The following PDE7A variants were observed in gnomAD, a reference collection of about 807,000 sequenced individuals.
PDE7A encodes phosphodiesterase 7A.
Under a neutral mutation model 64.3 loss-of-function variants are expected in PDE7A, and 39 were observed. The observed-to-expected ratio is 0.61, with a 90% CI of 0.47 to 0.79. The LOEUF is 0.79. PDE7A is among the 30% of genes least tolerant of loss of function. The pLI is 0.00. For missense variants in PDE7A, 470 were observed against 582.8 expected (o/e 0.81, Z 1.99); for synonymous variants, 203 against 206.8 (o/e 0.98, Z 0.16).
At chr8:65,747,839 T>C in intron 3 of PDE7A, 36 bp from the exon 4 acceptor site, 1 of 1,462,888 alleles carries the variant, frequency 6.8e-7, no homozygotes, top group Non-Finnish European at 9.4e-7. Context: ...GTATAGCAAG[T>C]TAAAATTATA....
chr8:65,736,058 C>T (rs533757514), intron 6 of PDE7A, among the ~76,000 whole-genome samples: 1 of 152,292 alleles, frequency 6.6e-6, no homozygotes, highest in South Asian at 2.1e-4. Flanking sequence ...TTTTCCTATA[C>T]AAACACACCT....
rs1287728799 is a variant in PDE7A, at chr8:65,715,028, C to A, written c.*4262G>T. Reference sequence around the variant, plus strand: ...ATTTTCTCTCCAAGGACCTTTTACTCCTAGAGCAGAGACTCCCTCAGCCCC... The same window carrying A: ...ATTTTCTCTCCAAGGACCTTTTACTACTAGAGCAGAGACTCCCTCAGCCCC... On this transcript the variant is annotated 3_prime_UTR_variant, in exon 13 of 13. Coordinates refer to ENST00000401827, the MANE Select transcript of PDE7A (RefSeq NM_001242318.3). Among the ~76,000 whole-genome samples, 1 of 152,098 alleles carries A rather than the reference C, an allele frequency of 6.6e-6. No homozygotes were observed. Among genetic ancestry groups the A allele is most frequent in the Non-Finnish European group, 1.5e-5 (1 of 68,024 alleles).
At chr8:65,733,412 A>T (rs1390515646) in intron 7 of PDE7A, among the ~76,000 whole-genome samples, 2 of 152,298 alleles carry the variant, frequency 1.3e-5, no homozygotes, top group East Asian at 3.9e-4. Flanking sequence ...CTCCCACAAC[A>T]TTCTCAAACA....
chr8:65,823,881 T>C (rs1045156149), intron 1 of PDE7A, among the ~76,000 whole-genome samples: 1 of 152,090 alleles, frequency 6.6e-6, no homozygotes, highest in Middle Eastern at 3.2e-3. Context: ...GCAGTACAAG[T>C]AGGACATTAA....
intron 3 of PDE7A, among the ~76,000 whole-genome samples, chr8:65,752,777 ACTGT>A (rs1455652677): frequency 2.6e-5 from 4 of 152,042 alleles, no homozygotes; most frequent in African/African-American, 9.7e-5. Flanking sequence ...GACACTCTAA[ACTGT>A]CTATGTTGAA....
chr8:65,809,428 TAAGTTACCTC>T (rs1810188635), intron 1 of PDE7A, among the ~76,000 whole-genome samples: 3 of 152,172 alleles, frequency 2.0e-5, no homozygotes, highest in South Asian at 4.1e-4. Context: ...TTACTCTTTT[TAAGTTACCTC>T]AAAAAATCCA....
intron 1 of PDE7A, among the ~76,000 whole-genome samples, chr8:65,802,946 C>T (rs1810030167): frequency 6.6e-6 from 1 of 152,100 alleles, no homozygotes; most frequent in Non-Finnish European, 1.5e-5. Context: ...TGGCACCTCC[C>T]CCTCCCCACA....
At chr8:65,758,938 T>C (rs1012193682) in intron 3 of PDE7A, among the ~76,000 whole-genome samples, 1 of 152,154 alleles carries the variant, frequency 6.6e-6, no homozygotes, top group Admixed American at 6.5e-5. Flanking sequence ...CCCATAACCA[T>C]AGGCAGCCTC....
chr8:65,777,992 G>C (rs892632689), intron 3 of PDE7A, among the ~76,000 whole-genome samples: 8 of 152,100 alleles, frequency 5.3e-5, no homozygotes, highest in African/African-American at 1.7e-4. Flanking sequence ...GACTGCTCCT[G>C]CTACATTTTT....
chr8:65,777,078 T>C lies in PDE7A; in HGVS notation c.283+2642A>G, dbSNP rs984635835. On this transcript the variant is annotated intron_variant, in intron 3 of 12. Coordinates refer to ENST00000401827, the MANE Select transcript of PDE7A (RefSeq NM_001242318.3). Reference sequence around the variant, plus strand: ...ACAAATACTCAATTTTATCAAATGCTTTTTTTTTTTTTTTTTTTTTTGAGA... The same window carrying C: ...ACAAATACTCAATTTTATCAAATGCCTTTTTTTTTTTTTTTTTTTTTGAGA... Among the ~76,000 whole-genome samples the C allele has an allele frequency of 2.2e-4, 10 of 44,704 alleles. No homozygotes were observed. In the African/African-American group the frequency reaches 3.5e-3, roughly 16 times the overall value. The allele number at this position is 44,704 out of a possible 152,430, so 29.3% of individuals were successfully genotyped here. A position where few individuals can be genotyped will look rare whatever the true frequency, so the allele number is the denominator to read the frequency against.
intron 9 of PDE7A, among the ~76,000 whole-genome samples, chr8:65,726,106 T>A (rs1286912604): frequency 1.3e-5 from 2 of 152,190 alleles, no homozygotes; most frequent in Non-Finnish European, 2.9e-5. Context: ...GAACTTAAAT[T>A]TTAATACTCA....
intron 1 of PDE7A, among the ~76,000 whole-genome samples, chr8:65,787,530 T>C (rs1585918335): frequency 6.6e-6 from 1 of 152,304 alleles, no homozygotes; most frequent in South Asian, 2.1e-4. Flanking sequence ...TATTCAAATA[T>C]TGCACTGATC....
intron 3 of PDE7A, 143 bp from the exon 4 acceptor site, chr8:65,747,946 C>T (rs1807758296): frequency 2.1e-6 from 1 of 486,882 alleles, no homozygotes; most frequent in Non-Finnish European, 3.6e-6. Context: ...AGAAGTGATA[C>T]TTTATTTCTA....
At chr8:65,820,964 AT>A (rs1195332844) in intron 1 of PDE7A, among the ~76,000 whole-genome samples, 1 of 152,132 alleles carries the variant, frequency 6.6e-6, no homozygotes, top group African/African-American at 2.4e-5. Context: ...GATTTAAGAA[AT>A]TTTTATCCTA....
At chr8:65,767,212 A>G (rs1475886265) in intron 3 of PDE7A, among the ~76,000 whole-genome samples, 1 of 152,234 alleles carries the variant, frequency 6.6e-6, no homozygotes, top group African/African-American at 2.4e-5. Context: ...GAGGTTAAAC[A>G]TGAAGCATGA....
In PDE7A at chr8:65,771,905, A is replaced by AAAG. The variant is rs1195303968; in HGVS notation, c.283+7812_283+7814dup. Among the ~76,000 whole-genome samples, 251 of 145,436 alleles carry AAAG rather than the reference A, an allele frequency of 1.7e-3. 3 individuals carry two copies. The highest frequency in any genetic ancestry group is 5.5e-3 in the African/African-American group (200 of 36,436). On this transcript the variant is annotated intron_variant, in intron 3 of 12. Transcript: ENST00000401827. Reference sequence around the variant, plus strand: ...CTCTCAAAAAAAAAAAAAAAAAAAAAAAGAAGAAGAAGAAAGAAGGAAATA... The same window carrying AAAG: ...CTCTCAAAAAAAAAAAAAAAAAAAAAAAGAAGAAGAAGAAGAAAGAAGGAAATA...
chr8:65,755,410 T>G (rs1359033204), intron 3 of PDE7A, among the ~76,000 whole-genome samples: 1 of 152,210 alleles, frequency 6.6e-6, no homozygotes, highest in Non-Finnish European at 1.5e-5. Context: ...TTTGTGTATT[T>G]TTAAATTTAC....
rs1811107827 is a variant in PDE7A, at chr8:65,841,982, G to A, written c.-474C>T. ...AGCTCGGGCCGCCGCCGCCGCCGCC[G>A]CCGCCGCCGCCGGAGTCCTGCTCCT... is the stretch of plus-strand genomic sequence containing the variant. On this transcript the variant is annotated 5_prime_UTR_variant, in exon 1 of 13. Coordinates refer to ENST00000401827, the MANE Select transcript of PDE7A (RefSeq NM_001242318.3). The A allele has an allele frequency of 1.9e-5, 5 of 258,652 alleles. No homozygotes were observed. The highest frequency in any genetic ancestry group is 5.4e-5 in the Admixed American group (1 of 18,350). 16.0% of individuals were successfully genotyped at this position (258,652 alleles called of 1,614,324 possible).
intron 1 of PDE7A, among the ~76,000 whole-genome samples, chr8:65,793,442 T>G (rs547460693): frequency 2.0e-5 from 3 of 151,490 alleles, no homozygotes; most frequent in South Asian, 4.2e-4. Context: ...TACAATAAAT[T>G]GCATACCTAT....
Sources: gnomAD v4.1 joint callset for allele counts (sites outside exome capture counted in the v4.1 genomes callset) on GRCh38, gnomAD v4.1.1 for gene constraint, MANE v1.5 for transcripts, NCBI Gene and HGNC (gene_info 2026-07-23, HGNC 2026-07-21) for gene names.